CEACAM19: variants seen among roughly 807,000 people sequenced by gnomAD.
The protein encoded by CEACAM19 is cell adhesion molecule CEACAM19.
A neutral mutation model predicts 37.6 loss-of-function variants in CEACAM19; 37 were observed. That is an observed-to-expected ratio of 0.98 (90% CI 0.76 to 1.29). The LOEUF is 1.29. Ranked by LOEUF, CEACAM19 falls within the 50% of genes most tolerant of loss-of-function variation. The pLI is 0.00. For synonymous variants in CEACAM19, 140 were observed against 149.8 expected (o/e 0.93, Z 0.48); for missense variants, 340 against 375.6 (o/e 0.91, Z 0.78).
intron 3 of CEACAM19, among the ~76,000 whole-genome samples, chr19:44,676,706 T>C (rs2122137583): frequency 6.6e-6 from 1 of 152,300 alleles, no homozygotes; most frequent in East Asian, 1.9e-4. Flanking sequence ...CACTGCAGCC[T>C]CAACTTCCCC....
rs953628469 is a variant in CEACAM19 at position 44,683,651 on chromosome 19, G to A, written c.*161G>A. On this transcript the variant is annotated 3_prime_UTR_variant, in exon 8 of 8. Coordinates refer to ENST00000358777, the MANE Select transcript of CEACAM19 (RefSeq NM_001127893.3). The stretch of plus-strand genomic sequence containing the variant: ...GCACATGGGGCAGGTGTCCTGGCAG[G>A]GGGACAGGAGACTGTAACAGGCCCA... 1.8e-4 allele frequency: 83 copies of A among 461,026 alleles called. No individual in the cohort carries two copies. Among genetic ancestry groups the A allele is most frequent in the Non-Finnish European group, 1.6e-4 (42 of 256,096 alleles). 28.6% of individuals were successfully genotyped at this position (461,026 alleles called of 1,614,324 possible).
At chr19:44,674,546 G>A (rs900289907) in intron 2 of CEACAM19, among the ~76,000 whole-genome samples, 2 of 151,832 alleles carry the variant, frequency 1.3e-5, no homozygotes, top group Non-Finnish European at 2.9e-5. Context: ...GACTGTAGGC[G>A]CATGCCATCA....
upstream of CEACAM19, among the ~76,000 whole-genome samples, chr19:44,668,163 A>T (rs1272151561): frequency 1.2e-4 from 10 of 81,910 alleles, no homozygotes; most frequent in South Asian, 3.5e-3. Context: ...TATATGCTAT[A>T]TTATATAGTA....
chr19:44,669,698 C>T (rs1973824143), upstream of CEACAM19, among the ~76,000 whole-genome samples: 1 of 152,100 alleles, frequency 6.6e-6, no homozygotes, highest in Non-Finnish European at 1.5e-5. Flanking sequence ...TGCTGCCTCA[C>T]CCCATCATCT....
intron 2 of CEACAM19, among the ~76,000 whole-genome samples, chr19:44,675,097 C>CGT (rs59147604): frequency 0.2 from 28,852 of 143,708 alleles, 2,799 homozygotes; most frequent in South Asian, 0.29. Flanking sequence ...CAGAGAACAG[C>CGT]GTGTGTGTGT....
chr19:44,681,040 T>C (rs1470324740), intron 5 of CEACAM19, among the ~76,000 whole-genome samples, 187 bp from the exon 6 acceptor site: 1 of 150,684 alleles, frequency 6.6e-6, no homozygotes, highest in African/African-American at 2.4e-5. Flanking sequence ...CCCACTGGAC[T>C]GTAAGTCCTG....
In CEACAM19 at chr19:44,681,249, G is replaced by A. The variant is rs1447593246; in HGVS notation, c.729G>A (p.Val243=). ...HDAGDNNIYE[V]MPSPVLLVSP... ...CAGGTGACAACAACATCTATGAAGT[G>A]ATGCCCTCTCCAGTCCTCCTGGTGT... Residue 243 remains valine (V), a synonymous_variant, in exon 6 of 8, where the codon GTG becomes GTA. Coordinates refer to ENST00000358777, the MANE Select transcript of CEACAM19 (RefSeq NM_001127893.3). 1 of 1,613,952 alleles carries A rather than the reference G, an allele frequency of 6.2e-7. No individual in the cohort carries two copies. The highest frequency in any genetic ancestry group is 1.3e-5 in the African/African-American group (1 of 74,922).
intron 4 of CEACAM19, among the ~76,000 whole-genome samples, chr19:44,679,265 G>A (rs375401336): frequency 2.6e-5 from 4 of 152,186 alleles, no homozygotes; most frequent in East Asian, 3.9e-4. Context: ...TGTGCTGGGA[G>A]TATAGTCATG....
At chr19:44,681,198 G>A in intron 5 of CEACAM19, 29 bp from the exon 6 acceptor site, 1 of 1,559,514 alleles carries the variant, frequency 6.4e-7, no homozygotes, top group Non-Finnish European at 8.8e-7. Flanking sequence ...CCATGTGTCA[G>A]CTGGTACCTC....
At chr19:44,668,705 TTATA>T (rs1169379055), upstream of CEACAM19, among the ~76,000 whole-genome samples, 2 of 100,562 alleles carry the variant, frequency 2.0e-5, no homozygotes, top group Non-Finnish European at 3.6e-5. Flanking sequence ...ATATATTATA[TTATA>T]TATTATAATA....
Position 44,680,342 on chromosome 19 carries a change from G to A in CEACAM19, c.706+8G>A, listed in dbSNP as rs369969358. The A allele has an allele frequency of 1.4e-5, 23 of 1,607,436 alleles. No individual in the cohort carries two copies. The highest frequency in any genetic ancestry group is 1.1e-4 in the East Asian group (5 of 44,766). On this transcript the variant is annotated splice_region_variant and intron_variant, in intron 5 of 7. Coordinates refer to ENST00000358777, the MANE Select transcript of CEACAM19 (RefSeq NM_001127893.3). ...GCCCTGCTCATGATGCTGGTAAGGC[G>A]GGAGCCCCAGATCTCACTACCTAGC...
chr19:44,674,575 T>A lies in CEACAM19; in HGVS notation c.424+1611T>A, dbSNP rs116792315. On this transcript the variant is annotated intron_variant, in intron 2 of 7. Transcript: ENST00000358777. ...GCCATCACACCCAGCTAATTTTTTTTATTTATTGGTAGAGACTGGGTTTCA... is the reference window on the plus strand; with the variant it reads ...GCCATCACACCCAGCTAATTTTTTTAATTTATTGGTAGAGACTGGGTTTCA... 2.7e-3 allele frequency among the ~76,000 whole-genome samples: 414 copies of A among 151,604 alleles called. 2 individuals are homozygous for A. The highest frequency in any genetic ancestry group is 9.8e-3 in the African/African-American group (404 of 41,306).
chr19:44,682,802 C>G (rs1447927359), intron 7 of CEACAM19, 182 bp downstream of exon 7: 1 of 565,230 alleles, frequency 1.8e-6, no homozygotes, highest in Non-Finnish European at 3.1e-6. Context: ...CTGGCAAGTC[C>G]CTTTTCCTCC....
chr19:44,680,452 C>CA, intron 5 of CEACAM19, 118 bp downstream of exon 5: 2 of 939,910 alleles, frequency 2.1e-6, no homozygotes, highest in Non-Finnish European at 3.3e-6. Flanking sequence ...GCACCTGCCC[C>CA]GAGACCTCTC....
At chr19:44,676,508 C>A in intron 3 of CEACAM19, 87 bp downstream of exon 3, 2 of 1,324,448 alleles carry the variant, frequency 1.5e-6, no homozygotes, top group Non-Finnish European at 2.1e-6. Context: ...CATCATCCGG[C>A]TCATACACAA....
rs768543807 is a variant in CEACAM19, at chr19:44,676,428, G to T, written c.575+7G>T. ...GGAGGGGCCAGAGCCACAGGTACAGGGTCCCCAAGTGTCCCTCTCCTGTCT... is the reference window on the plus strand; with the variant it reads ...GGAGGGGCCAGAGCCACAGGTACAGTGTCCCCAAGTGTCCCTCTCCTGTCT... On this transcript the variant is annotated splice_region_variant and intron_variant, in intron 3 of 7. Coordinates refer to ENST00000358777, the MANE Select transcript of CEACAM19 (RefSeq NM_001127893.3). 6.2e-7 allele frequency: 1 copy of T among 1,613,712 alleles called. No homozygotes were observed. Among genetic ancestry groups the T allele is most frequent in the Admixed American group, 1.7e-5 (1 of 59,954 alleles).
chr19:44,676,202 A>C, intron 2 of CEACAM19, 69 bp from the exon 3 acceptor site: 1 of 1,509,218 alleles, frequency 6.6e-7, no homozygotes, highest in South Asian at 1.2e-5. Context: ...ATAGTCGGTG[A>C]GGGACTGGGG....
At chr19:44,680,194 G>A (rs903502488) in intron 4 of CEACAM19, 94 bp from the exon 5 acceptor site, 2 of 1,008,770 alleles carry the variant, frequency 2.0e-6, no homozygotes, top group African/African-American at 3.2e-5. Flanking sequence ...GTGGCTTTCA[G>A]GGACCTGGTG....
At chr19:44,667,973 C>CTATATTATAAATATAAATAAATATA (rs1973765158), upstream of CEACAM19, among the ~76,000 whole-genome samples, 2 of 63,496 alleles carry the variant, frequency 3.1e-5, no homozygotes, top group African/African-American at 1.3e-4. Context: ...TAAATATATA[C>CTATATTATAAATATAAATAAATATA]TATATTATAA....
Sources: gnomAD v4.1 joint callset for allele counts (sites outside exome capture counted in the v4.1 genomes callset) on GRCh38, gnomAD v4.1.1 for gene constraint, MANE v1.5 for transcripts, NCBI Gene and HGNC (gene_info 2026-07-23, HGNC 2026-07-21) for gene names.